The following DCC variants were observed in gnomAD, a reference collection of about 807,000 sequenced individuals.
DCC encodes the protein DCC netrin 1 receptor.
A neutral mutation model predicts 172.5 loss-of-function variants in DCC; 58 were observed. The observed-to-expected ratio is 0.34, with a 90% CI of 0.27 to 0.42. The LOEUF is 0.42. Among genes scored for constraint, DCC ranks in the 10% least tolerant of loss-of-function variants. DCC has a pLI of 1.00. For synonymous variants in DCC, 709 were observed against 644.5 expected (o/e 1.10, Z -1.52); for missense variants, 1,740 against 1,791.0 (o/e 0.97, Z 0.51).
At chr18:53,506,355 C>T (rs754541899) in intron 27 of DCC, among the ~76,000 whole-genome samples, 2 of 152,030 alleles carry the variant, frequency 1.3e-5, no homozygotes, top group Admixed American at 6.6e-5. Context: ...AAGGCAGATA[C>T]GATGAAATAA....
At chr18:53,312,080 C>T (rs1391757611) in intron 13 of DCC, among the ~76,000 whole-genome samples, 5 of 146,736 alleles carry the variant, frequency 3.4e-5, no homozygotes, top group African/African-American at 1.0e-4. Flanking sequence ...GAGGCCGAGG[C>T]GGGCGGATCA....
At chr18:53,074,553 A>G (rs1050837178) in intron 7 of DCC, among the ~76,000 whole-genome samples, 4 of 152,234 alleles carry the variant, frequency 2.6e-5, no homozygotes, top group Non-Finnish European at 4.4e-5. Flanking sequence ...TGGTACATTT[A>G]TTCAATAAAT....
intron 1 of DCC, among the ~76,000 whole-genome samples, chr18:52,383,403 A>G (rs1598879047): frequency 6.6e-6 from 1 of 152,180 alleles, no homozygotes; most frequent in East Asian, 1.9e-4. Context: ...TGATGGTTAG[A>G]CAACTGTACT....
chr18:52,444,209 C>A (rs1292400325), intron 1 of DCC, among the ~76,000 whole-genome samples: 1 of 152,154 alleles, frequency 6.6e-6, no homozygotes, highest in South Asian at 2.1e-4. Flanking sequence ...AGTTCCTGGC[C>A]TGCAGAATTC....
intron 15 of DCC, among the ~76,000 whole-genome samples, chr18:53,372,700 G>T (rs904715678): frequency 3.3e-5 from 5 of 152,012 alleles, no homozygotes; most frequent in Non-Finnish European, 7.4e-5. Flanking sequence ...ACCTAGAGAA[G>T]TTAAAAAATT....
At chr18:53,356,637 C>T (rs1189741256) in intron 15 of DCC, among the ~76,000 whole-genome samples, 2 of 152,108 alleles carry the variant, frequency 1.3e-5, no homozygotes, top group Non-Finnish European at 2.9e-5. Context: ...AGATGTTTAA[C>T]TTTGTTACTA....
chr18:52,825,225 A>G (rs1568127993), intron 2 of DCC, among the ~76,000 whole-genome samples: 1 of 152,210 alleles, frequency 6.6e-6, no homozygotes, highest in African/African-American at 2.4e-5. Context: ...TATCAGCTAC[A>G]TGATATTGGT....
chr18:52,681,018 C>T (rs143311293), intron 1 of DCC, among the ~76,000 whole-genome samples: 337 of 152,168 alleles, frequency 2.2e-3, no homozygotes, highest in African/African-American at 7.8e-3. Flanking sequence ...TAGTAAATTA[C>T]TATTGGTGGT....
chr18:52,855,685 T>C (rs2145349842), intron 2 of DCC, among the ~76,000 whole-genome samples: 1 of 152,230 alleles, frequency 6.6e-6, no homozygotes, highest in East Asian at 1.9e-4. Flanking sequence ...TGTGATATTG[T>C]TAGAGGGGCA....
chr18:52,782,569 C>T (rs1013119536), intron 2 of DCC, among the ~76,000 whole-genome samples: 1 of 152,106 alleles, frequency 6.6e-6, no homozygotes. Flanking sequence ...CTCACCCTTT[C>T]TAGCCAAGGA....
chr18:52,499,872 C>T (rs948549893), intron 1 of DCC, among the ~76,000 whole-genome samples: 2 of 152,094 alleles, frequency 1.3e-5, no homozygotes, highest in Non-Finnish European at 2.9e-5. Context: ...ATAAATCATT[C>T]TCAAGGATTA....
chr18:53,072,705 A>G (rs111619186), intron 7 of DCC, among the ~76,000 whole-genome samples: 2,660 of 152,340 alleles, frequency 0.017, 73 homozygotes, highest in African/African-American at 0.06. Flanking sequence ...AATCATAACA[A>G]GAATAAATGC....
At chr18:52,415,612 G>T (rs954651021) in intron 1 of DCC, among the ~76,000 whole-genome samples, 2 of 152,118 alleles carry the variant, frequency 1.3e-5, no homozygotes, top group Non-Finnish European at 2.9e-5. Flanking sequence ...GAGCACAGAG[G>T]GAGAGAATTG....
Position 52,906,157 on chromosome 18 carries a change from A to G in DCC, c.526A>G (p.Asn176Asp), listed in dbSNP as rs201156075. 1.9e-5 allele frequency: 30 copies of G among 1,614,138 alleles called. No individual in the cohort carries two copies. The highest frequency in any genetic ancestry group is 3.3e-4 in the Middle Eastern group (2 of 6,062). ...EPMPTIHWQK[N>D]QQDLTPIPGD... ...CATGCCAACAATCCACTGGCAGAAG[A>G]ACCAACAAGACCTGACTCCAATCCC... is the stretch of plus-strand genomic sequence containing the variant. Residue 176 changes from asparagine to aspartate, a missense_variant, in exon 3 of 29, where the codon AAC becomes GAC. This residue lies in a region of DCC where 1,732 missense variants were observed against 1,767.4 expected (regional missense o/e 0.98). Transcript: ENST00000442544.
chr18:52,439,915 T>C (rs1987922411), intron 1 of DCC, among the ~76,000 whole-genome samples: 1 of 151,982 alleles, frequency 6.6e-6, no homozygotes, highest in Admixed American at 6.6e-5. Context: ...AATAAAAAAA[T>C]GAATAAATGA....
At chr18:52,748,899 T>C (rs968502634) in intron 1 of DCC, among the ~76,000 whole-genome samples, 1 of 152,142 alleles carries the variant, frequency 6.6e-6, no homozygotes, top group Admixed American at 6.5e-5. Flanking sequence ...TTTGATTGGT[T>C]AAAAAGCATT....
intron 9 of DCC, among the ~76,000 whole-genome samples, chr18:53,182,345 A>T (rs1352309678): frequency 2.1e-4 from 32 of 152,278 alleles, no homozygotes; most frequent in Non-Finnish European, 4.3e-4. Context: ...TTTTCTTACC[A>T]GTATATGGAA....
At chr18:52,976,808 T>G (rs1016016692) in intron 5 of DCC, among the ~76,000 whole-genome samples, 1 of 152,196 alleles carries the variant, frequency 6.6e-6, no homozygotes, top group Non-Finnish European at 1.5e-5. Flanking sequence ...CCATCTGTTT[T>G]CACTATCTTA....
intron 25 of DCC, among the ~76,000 whole-genome samples, chr18:53,473,360 G>T (rs2134296): frequency 6.6e-6 from 1 of 151,814 alleles, no homozygotes; most frequent in Non-Finnish European, 1.5e-5. Flanking sequence ...AATATCTGTC[G>T]AATGAAAAAA....
Sources: allele counts gnomAD v4.1 joint callset (sites outside exome capture counted in the v4.1 genomes callset), GRCh38; gene constraint gnomAD v4.1.1; regional missense constraint gnomAD v4.1.1; transcripts MANE v1.5; gene names NCBI Gene and HGNC (gene_info 2026-07-23, HGNC 2026-07-21).